ABCD4: variants seen among roughly 807,000 people sequenced by gnomAD.
The protein encoded by ABCD4 is lysosomal cobalamin transporter ABCD4.
ABCD4 carries 53 observed loss-of-function variants against 86.3 expected under a neutral mutation model. The observed-to-expected ratio is 0.61, with a 90% CI of 0.49 to 0.77. The LOEUF is 0.77. Ranked by LOEUF, ABCD4 falls within the 30% of genes least tolerant of loss-of-function variation. ABCD4 has a pLI of 0.00. For missense variants in ABCD4, 757 were observed against 764.5 expected (o/e 0.99, Z 0.12); for synonymous variants, 328 against 313.6 (o/e 1.05, Z -0.49).
intron 14 of ABCD4, chr14:74,289,057 A>T: frequency 4.8e-6 from 5 of 1,032,354 alleles, no homozygotes; most frequent in Non-Finnish European, 6.0e-6. Flanking sequence ...GGTTGCAGTG[A>T]GCCGAGATCA....
At chr14:74,289,774 T>G in intron 13 of ABCD4, 1 of 1,435,216 alleles carries the variant, frequency 7.0e-7, no homozygotes, top group Non-Finnish European at 9.1e-7. Context: ...CTTGGGTGTT[T>G]GACATACGCG....
At chr14:74,302,665 G>A (rs951166352) in intron 1 of ABCD4, among the ~76,000 whole-genome samples, 11 of 152,220 alleles carry the variant, frequency 7.2e-5, no homozygotes, top group Admixed American at 5.9e-4. Flanking sequence ...GCACAAGTCC[G>A]GCCAAGAACG....
chr14:74,299,469 G>A, intron 3 of ABCD4, 79 bp downstream of exon 3: 1 of 1,555,932 alleles, frequency 6.4e-7, no homozygotes, highest in East Asian at 2.3e-5. Context: ...CCTGCTTCCT[G>A]GAGGCTAAGT....
intron 11 of ABCD4, 59 bp from the exon 12 acceptor site, chr14:74,290,558 G>A: frequency 7.4e-7 from 1 of 1,346,326 alleles, no homozygotes; most frequent in Non-Finnish European, 1.1e-6. Context: ...TTGCTGTGGG[G>A]GAGGCACTGC....
At chr14:74,288,914 C>G (rs2080615594) in intron 14 of ABCD4, 149 bp from the exon 15 acceptor site, 1 of 1,044,888 alleles carries the variant, frequency 9.6e-7, no homozygotes, top group East Asian at 2.7e-5. Context: ...GAGATGGAGA[C>G]CACCCTGGCC....
At position 74,289,492 on chromosome 14, in the gene ABCD4, G is replaced by A; in HGVS notation, c.1447C>T (p.Pro483Ser). ...QVIYPLKEVY[P>S]DSGSADDERI... The stretch of plus-strand genomic sequence containing the variant: ...AGGAGGACCAGCTCACCTGAGTCGG[G>A]GTAGACCTCCTTCAGGGGATATATC... Residue 483 changes from proline to serine, a missense_variant, in exon 14 of 19, where the codon CCC (proline) becomes TCC (serine). Physicochemically the swap from Pro to Ser is moderately conservative, Grantham distance 74. Coordinates refer to ENST00000356924, the MANE Select transcript of ABCD4 (RefSeq NM_005050.4). 1 of 1,613,788 alleles carries A rather than the reference G, an allele frequency of 6.2e-7. No homozygotes were observed. Among genetic ancestry groups the A allele is most frequent in the South Asian group, 1.1e-5 (1 of 91,022 alleles).
At position 74,295,891 on chromosome 14, in the gene ABCD4, T is replaced by C; in HGVS notation, c.631A>G (p.Lys211Glu). 1 of 1,613,070 alleles carries C rather than the reference T, an allele frequency of 6.2e-7. No individual in the cohort carries two copies. ...NKTLMGPIVMKLVHQEKLEGD... is the reference protein window; with the variant it reads ...NKTLMGPIVMELVHQEKLEGD... ...TCCAGCTTCTCCTGATGCACCAGCT[T>C]CATCACAATGGGGCCCATCAAAGTT... The change falls in exon 6 of 19, where the codon AAG becomes GAG. Residue 211 changes from lysine to glutamate, a missense_variant. By Grantham distance (56) the Lys-to-Glu change is moderately conservative. Coordinates refer to ENST00000356924, the MANE Select transcript of ABCD4 (RefSeq NM_005050.4).
Position 74,286,527 on chromosome 14 carries a change from A to C in ABCD4, c.1755T>G (p.Phe585Leu). ...CACAGAGTTTCAGAACCAAGGAATG[A>C]AACTACAAGAGACCACCACCACATG... is the stretch of plus-strand genomic sequence containing the variant. ...SVGHRQSLEK[F>L]HSLVLKLCGG... Residue 585 changes from phenylalanine to leucine, a missense_variant and splice_region_variant, in exon 19 of 19, where the codon TTT (phenylalanine) becomes TTG (leucine). By Grantham distance (22) the Phe-to-Leu change is conservative. Coordinates refer to ENST00000356924, the MANE Select transcript of ABCD4 (RefSeq NM_005050.4). The C allele has an allele frequency of 1.2e-6, 2 of 1,614,248 alleles. No homozygotes were observed. The highest frequency in any genetic ancestry group is 1.7e-6 in the Non-Finnish European group (2 of 1,180,044).
At chr14:74,299,710 GA>G (rs761319055) in intron 2 of ABCD4, 35 bp from the exon 3 acceptor site, 97 of 1,592,864 alleles carry the variant, frequency 6.1e-5, no homozygotes, top group South Asian at 9.0e-5. Flanking sequence ...AATCAGTGAT[GA>G]GGGGTTAAAA....
Position 74,287,858 on chromosome 14 carries a change from G to C in ABCD4, c.1588C>G (p.Gln530Glu). The C allele has an allele frequency of 5.6e-6, 9 of 1,613,362 alleles. No homozygotes were observed. Among genetic ancestry groups the C allele is most frequent in the Non-Finnish European group, 7.6e-6 (9 of 1,179,652 alleles). Residue 530 changes from glutamine to glutamate, a missense_variant, in exon 17 of 19, where the codon CAA becomes GAA. Coordinates refer to ENST00000356924, the MANE Select transcript of ABCD4 (RefSeq NM_005050.4). ...WYDVLSPGEMQRLSFARLFYL... is the reference protein window; with the variant it reads ...WYDVLSPGEMERLSFARLFYL... ...AAGAGTCGGGCAAAGGAGAGCCGTT[G>C]CATCTCCCCCGGGGACAGAACATCA...
Position 74,292,756 on chromosome 14 carries a change from C to A in ABCD4, c.928G>T (p.Val310Phe). Reference protein sequence around the residue: ...DLSPAELSTLVSKNAFVCIYL... With the variant: ...DLSPAELSTLFSKNAFVCIYL... Reference sequence around the variant, plus strand: ...CCAAGAGGGAGTCTCACCTTGCTGACCAGGGTGCTAAGCTCTGCGGGACTC... The same window carrying A: ...CCAAGAGGGAGTCTCACCTTGCTGAACAGGGTGCTAAGCTCTGCGGGACTC... The change falls in exon 9 of 19, where the codon GTC becomes TTC. Residue 310 changes from valine to phenylalanine, a missense_variant. Coordinates refer to ENST00000356924, the MANE Select transcript of ABCD4 (RefSeq NM_005050.4). 2 of 1,614,004 alleles carry A rather than the reference C, an allele frequency of 1.2e-6. No individual in the cohort carries two copies. Among genetic ancestry groups the A allele is most frequent in the Non-Finnish European group, 1.7e-6 (2 of 1,179,956 alleles).
intron 3 of ABCD4, among the ~76,000 whole-genome samples, chr14:74,298,370 C>CA (rs2083427568): frequency 6.6e-6 from 1 of 152,218 alleles, no homozygotes; most frequent in African/African-American, 2.4e-5. Context: ...CTCCCAGTTT[C>CA]AAGCGATTCT....
At chr14:74,287,760 C>T (rs749618567) in intron 17 of ABCD4, 50 bp downstream of exon 17, 44 of 1,526,062 alleles carry the variant, frequency 2.9e-5, no homozygotes, top group Middle Eastern at 1.8e-4. Context: ...CTGCTACACC[C>T]GTGAGTGCAG....
intron 16 of ABCD4, 59 bp downstream of exon 16, chr14:74,288,148 C>T (rs2080348299): frequency 1.3e-6 from 2 of 1,580,118 alleles, no homozygotes; most frequent in South Asian, 2.3e-5. Context: ...GACAGGGACC[C>T]TGAAACCCAC....
chr14:74,289,162 T>G, intron 14 of ABCD4: 1 of 1,198,524 alleles, frequency 8.3e-7, no homozygotes, highest in East Asian at 3.9e-5. Flanking sequence ...ACATCATGGA[T>G]GATGCAGGGG....
chr14:74,288,977 T>A (rs1274597907), intron 14 of ABCD4: 2 of 897,810 alleles, frequency 2.2e-6, no homozygotes, highest in Non-Finnish European at 3.1e-6. Flanking sequence ...GCAGGCAAGG[T>A]GGCGTGCACC....
rs767519993 is a variant in ABCD4 at position 74,289,432 on chromosome 14, G to A, written c.1456+51C>T. On this transcript the variant is annotated intron_variant, in intron 14 of 18. Coordinates refer to ENST00000356924, the MANE Select transcript of ABCD4 (RefSeq NM_005050.4). The stretch of plus-strand genomic sequence containing the variant: ...GATGAGGCCACAGTCAGGTAGAGCA[G>A]GGACAACCATGACAGAAGGAGAGGA... 5 of 1,611,254 alleles carry A rather than the reference G, an allele frequency of 3.1e-6. No homozygotes were observed. In the South Asian group the frequency reaches 4.4e-5, roughly 14 times the overall value.
intron 4 of ABCD4, chr14:74,297,721 G>A (rs2083233456): frequency 7.8e-7 from 1 of 1,289,188 alleles, no homozygotes; most frequent in Non-Finnish European, 9.8e-7. Flanking sequence ...CACTGCACCT[G>A]GCAGGCTTCT....
At chr14:74,288,910 G>C in intron 14 of ABCD4, 145 bp from the exon 15 acceptor site, 1 of 1,089,510 alleles carries the variant, frequency 9.2e-7, no homozygotes, top group East Asian at 2.6e-5. Context: ...TCAGGAGATG[G>C]AGACCACCCT....
Sources: allele counts gnomAD v4.1 joint callset (sites outside exome capture counted in the v4.1 genomes callset), GRCh38; gene constraint gnomAD v4.1.1; transcripts MANE v1.5; gene names NCBI Gene and HGNC (gene_info 2026-07-23, HGNC 2026-07-21).